Variants in SLC35F3 observed in about 807,000 individuals in gnomAD.
SLC35F3 encodes putative thiamine transporter SLC35F3.
SLC35F3 carries 25 observed loss-of-function variants against 49.9 expected under a neutral mutation model. The observed-to-expected ratio is 0.50, with a 90% CI of 0.37 to 0.70. The LOEUF (loss-of-function observed/expected upper bound fraction) is 0.70. Ranked by LOEUF, SLC35F3 falls within the 30% of genes least tolerant of loss-of-function variation. The pLI, the probability that SLC35F3 is intolerant of heterozygous loss-of-function variation, is 0.00. For synonymous variants in SLC35F3, 275 were observed against 265.4 expected (o/e 1.04, Z -0.35); for missense variants, 525 against 639.8 (o/e 0.82, Z 1.94).
chr1:234,056,634 A>G (rs564645116), intron 2 of SLC35F3, among the ~76,000 whole-genome samples: 2 of 152,314 alleles, frequency 1.3e-5, no homozygotes, highest in South Asian at 4.1e-4. Flanking sequence ...TCTTTTGTGA[A>G]CATCTTCCTT....
intron 2 of SLC35F3, among the ~76,000 whole-genome samples, chr1:234,155,574 A>G (rs1256631874): frequency 1.3e-5 from 2 of 152,008 alleles, no homozygotes; most frequent in Non-Finnish European, 2.9e-5. Flanking sequence ...AAGATTTTAG[A>G]ATACCTATAT....
At chr1:234,017,058 A>C (rs1663811893) in intron 2 of SLC35F3, among the ~76,000 whole-genome samples, 1 of 152,108 alleles carries the variant, frequency 6.6e-6, no homozygotes, top group Non-Finnish European at 1.5e-5. Context: ...AGTAGTCCAT[A>C]CCTTATTGGG....
chr1:234,005,991 A>G (rs1006888043), intron 2 of SLC35F3, among the ~76,000 whole-genome samples: 4 of 152,186 alleles, frequency 2.6e-5, no homozygotes, highest in African/African-American at 2.4e-5. Flanking sequence ...GATAATGTTT[A>G]TGGTTCCTTC....
At chr1:233,994,646 G>A (rs1210426168) in intron 2 of SLC35F3, among the ~76,000 whole-genome samples, 5 of 152,264 alleles carry the variant, frequency 3.3e-5, no homozygotes, top group African/African-American at 7.2e-5. Flanking sequence ...ATTCCAGAAT[G>A]CAGCCAAGGA....
At chr1:233,988,078 G>A (rs549858633) in intron 2 of SLC35F3, among the ~76,000 whole-genome samples, 1 of 152,092 alleles carries the variant, frequency 6.6e-6, no homozygotes, top group Non-Finnish European at 1.5e-5. Flanking sequence ...GATTTTTACT[G>A]TTCATTCATT....
At chr1:234,198,721 TC>T (rs1466830342) in intron 2 of SLC35F3, among the ~76,000 whole-genome samples, 1 of 152,218 alleles carries the variant, frequency 6.6e-6, no homozygotes, top group Non-Finnish European at 1.5e-5. Context: ...TAAGTCAAGA[TC>T]GTTAACATGC....
intron 2 of SLC35F3, among the ~76,000 whole-genome samples, chr1:234,116,387 T>C (rs960034137): frequency 3.3e-5 from 5 of 152,146 alleles, no homozygotes; most frequent in Non-Finnish European, 7.3e-5. Flanking sequence ...CAAATAAATA[T>C]TTCTTATTAA....
chr1:234,227,247 A>C (rs1200256599), intron 2 of SLC35F3, among the ~76,000 whole-genome samples: 1 of 152,174 alleles, frequency 6.6e-6, no homozygotes, highest in African/African-American at 2.4e-5. Flanking sequence ...AGGGATTGTT[A>C]GTGGGGAAGG....
intron 2 of SLC35F3, among the ~76,000 whole-genome samples, chr1:234,167,255 A>T (rs1218299368): frequency 2.0e-5 from 3 of 152,152 alleles, no homozygotes; most frequent in Non-Finnish European, 4.4e-5. Context: ...CTATGTCACC[A>T]TGTCTCATTA....
At chr1:234,151,246 C>T (rs1666072102) in intron 2 of SLC35F3, among the ~76,000 whole-genome samples, 1 of 144,854 alleles carries the variant, frequency 6.9e-6, no homozygotes, top group Non-Finnish European at 1.5e-5. Flanking sequence ...CTGCCATTTA[C>T]ATAAACTATC....
rs146695910 is a variant in SLC35F3, at chr1:234,319,948, G to T, written c.1148-150G>T. The T allele has an allele frequency of 1.6e-3, 990 of 618,328 alleles. 5 individuals are homozygous for T. Among genetic ancestry groups the T allele is most frequent in the African/African-American group, 0.016 (861 of 54,774 alleles). 38.3% of individuals were successfully genotyped at this position (618,328 alleles called of 1,614,324 possible). A position where few individuals can be genotyped will look rare whatever the true frequency, so the allele number is the denominator to read the frequency against. On this transcript the variant is annotated intron_variant, in intron 6 of 7. Transcript: ENST00000366618. ...GTCCCAAGTCCTGGAGCCCCCAGAG[G>T]AACTCTGAGTTCACTGAATCAGAGC...
At chr1:234,071,586 T>G (rs577988957) in intron 2 of SLC35F3, among the ~76,000 whole-genome samples, 53 of 152,292 alleles carry the variant, frequency 3.5e-4, no homozygotes, top group African/African-American at 1.2e-3. Context: ...TTTAGTAGGC[T>G]CTCACCATGA....
At chr1:234,105,615 G>T (rs920142566) in intron 2 of SLC35F3, among the ~76,000 whole-genome samples, 1 of 152,188 alleles carries the variant, frequency 6.6e-6, no homozygotes, top group East Asian at 1.9e-4. Context: ...ACCACTCAGA[G>T]ACTCTTGGAC....
At chr1:233,971,744 G>C (rs1187309735) in intron 2 of SLC35F3, among the ~76,000 whole-genome samples, 2 of 151,546 alleles carry the variant, frequency 1.3e-5, no homozygotes, top group African/African-American at 4.8e-5. Flanking sequence ...AGATACCCAG[G>C]CCTCCTCTGC....
chr1:233,992,485 GCTCTGTAACAACCCA>G (rs1272186126), intron 2 of SLC35F3, among the ~76,000 whole-genome samples: 1 of 152,132 alleles, frequency 6.6e-6, no homozygotes, highest in Non-Finnish European at 1.5e-5. Flanking sequence ...GGGTGTCCTG[GCTCTGTAACAACCCA>G]CTCTCTTAGG....
intron 2 of SLC35F3, among the ~76,000 whole-genome samples, chr1:234,036,085 T>C (rs1664137673): frequency 6.6e-6 from 1 of 152,098 alleles, no homozygotes. Context: ...TGTTTGTTCA[T>C]TCATTTTTAG....
chr1:234,061,154 C>T (rs1664533461), intron 2 of SLC35F3, among the ~76,000 whole-genome samples: 1 of 152,188 alleles, frequency 6.6e-6, no homozygotes, highest in South Asian at 2.1e-4. Flanking sequence ...GTCTTGTCTT[C>T]TAGCAACAAA....
chr1:234,065,801 C>G (rs201071278), intron 2 of SLC35F3, among the ~76,000 whole-genome samples: 1 of 152,138 alleles, frequency 6.6e-6, no homozygotes, highest in East Asian at 1.9e-4. Context: ...TTTTCTAGAA[C>G]GAGTTTAGAT....
intron 2 of SLC35F3, among the ~76,000 whole-genome samples, chr1:234,153,228 T>G (rs576610293): frequency 3.9e-5 from 6 of 152,314 alleles, no homozygotes; most frequent in African/African-American, 1.4e-4. Context: ...GAGACCCTAA[T>G]AGTAAGAACT....
Sources: allele counts gnomAD v4.1 joint callset (sites outside exome capture counted in the v4.1 genomes callset), GRCh38; gene constraint gnomAD v4.1.1; transcripts MANE v1.5; gene names NCBI Gene and HGNC (gene_info 2026-07-23, HGNC 2026-07-21).